ROBO2: variants seen among roughly 807,000 people sequenced by gnomAD.
ROBO2 encodes roundabout homolog 2.
ROBO2 carries 53 observed loss-of-function variants against 160.8 expected under a neutral mutation model. That is an observed-to-expected ratio of 0.33 (90% confidence interval 0.26 to 0.41). ROBO2 has a LOEUF of 0.41. Among genes scored for constraint, ROBO2 ranks in the 10% least tolerant of loss-of-function variants. ROBO2 has a pLI of 1.00. For missense variants in ROBO2, 1,577 were observed against 1,722.4 expected, an observed-to-expected ratio of 0.92 and a Z score of 1.49; for synonymous variants, 664 against 611.7, an observed-to-expected ratio of 1.09 and a Z score of -1.26.
chr3:77,039,603 G>T (rs886791865), upstream of ROBO2, among the ~76,000 whole-genome samples: 1 of 152,194 alleles, frequency 6.6e-6, no homozygotes, highest in Admixed American at 6.5e-5. Context: ...CTCGGCCCTC[G>T]GCAGCCGGCG....
intron 2 of ROBO2, among the ~76,000 whole-genome samples, chr3:77,322,073 T>G (rs1038867356): frequency 2.0e-5 from 3 of 152,134 alleles, no homozygotes; most frequent in African/African-American, 7.2e-5. Context: ...CTAGAGCAAG[T>G]CCTAAGCAGG....
intron 2 of ROBO2, among the ~76,000 whole-genome samples, chr3:76,876,070 C>T (rs930742215): frequency 6.6e-6 from 1 of 152,120 alleles, no homozygotes; most frequent in South Asian, 2.1e-4. Flanking sequence ...TTTGTCATGT[C>T]AAGGTAACAT....
At chr3:76,396,575 C>G (rs2077462245) in intron 2 of ROBO2, among the ~76,000 whole-genome samples, 1 of 152,078 alleles carries the variant, frequency 6.6e-6, no homozygotes. Flanking sequence ...TAGAAAACCC[C>G]ATTGTCTCAG....
At chr3:77,115,633 C>T (rs1307348836) in intron 2 of ROBO2, among the ~76,000 whole-genome samples, 1 of 152,064 alleles carries the variant, frequency 6.6e-6, no homozygotes, top group African/African-American at 2.4e-5. Context: ...GTGAACTAAC[C>T]GAACTTTTAT....
At chr3:77,269,753 A>G (rs984817939) in intron 2 of ROBO2, among the ~76,000 whole-genome samples, 1 of 152,158 alleles carries the variant, frequency 6.6e-6, no homozygotes, top group Non-Finnish European at 1.5e-5. Context: ...ACAAGAAAGG[A>G]TGAATTGCTA....
chr3:76,996,332 C>T (rs1025995504), intron 2 of ROBO2, among the ~76,000 whole-genome samples: 2 of 152,086 alleles, frequency 1.3e-5, no homozygotes, highest in Non-Finnish European at 2.9e-5. Flanking sequence ...GGTACCAGTA[C>T]CATGCTGTTT....
chr3:77,221,629 A>C (rs2085803996), intron 2 of ROBO2, among the ~76,000 whole-genome samples: 1 of 152,074 alleles, frequency 6.6e-6, no homozygotes. Context: ...TCCCCAAATG[A>C]AAATAACTCA....
chr3:77,114,847 T>C (rs879894020), intron 2 of ROBO2, among the ~76,000 whole-genome samples: 2 of 152,210 alleles, frequency 1.3e-5, no homozygotes, highest in Non-Finnish European at 2.9e-5. Flanking sequence ...AAATGTATTT[T>C]ATCTATTTAC....
intron 2 of ROBO2, among the ~76,000 whole-genome samples, chr3:76,518,705 A>G (rs1310707782): frequency 6.6e-6 from 1 of 152,126 alleles, no homozygotes; most frequent in Non-Finnish European, 1.5e-5. Context: ...AAAATAAATA[A>G]GCAAATTTTA....
At chr3:77,448,227 T>C (rs2080760572) in intron 2 of ROBO2, among the ~76,000 whole-genome samples, 1 of 152,146 alleles carries the variant, frequency 6.6e-6, no homozygotes, top group Non-Finnish European at 1.5e-5. Context: ...GGATCACTGA[T>C]GTCCCCATGT....
intron 2 of ROBO2, among the ~76,000 whole-genome samples, chr3:76,811,022 A>G (rs544933391): frequency 6.6e-6 from 1 of 152,302 alleles, no homozygotes; most frequent in South Asian, 2.1e-4. Context: ...TTTCATTACT[A>G]AATAAGGACT....
intron 2 of ROBO2, among the ~76,000 whole-genome samples, chr3:77,324,439 C>G (rs1025746402): frequency 1.3e-5 from 2 of 152,084 alleles, no homozygotes; most frequent in East Asian, 3.9e-4. Flanking sequence ...TAAAAGTAGA[C>G]CCGTTGTCCA....
At chr3:77,426,608 C>CTG (rs9309768) in intron 2 of ROBO2, among the ~76,000 whole-genome samples, 27,913 of 140,482 alleles carry the variant, frequency 0.2, 2,917 homozygotes, top group East Asian at 0.36. Flanking sequence ...ATGTGTGTGT[C>CTG]TGTGTGTGTG....
chr3:77,546,362 C>G, exon 7 of ROBO2: 1 of 1,613,140 alleles, frequency 6.2e-7, no homozygotes, highest in Non-Finnish European at 8.5e-7. Context: ...GTGGTTCGGC[C>G]AAGAGATCAG....
At chr3:76,880,295 A>G (rs898397557) in intron 2 of ROBO2, among the ~76,000 whole-genome samples, 4 of 152,178 alleles carry the variant, frequency 2.6e-5, no homozygotes, top group Non-Finnish European at 5.9e-5. Flanking sequence ...ATTGAATATT[A>G]TGTGTTTAAG....
At chr3:76,427,715 G>A (rs1398556798) in intron 2 of ROBO2, among the ~76,000 whole-genome samples, 1 of 152,130 alleles carries the variant, frequency 6.6e-6, no homozygotes, top group Non-Finnish European at 1.5e-5. Context: ...AATGCTTATT[G>A]TAATTGTATT....
chr3:76,751,898 T>TA, intron 2 of ROBO2, among the ~76,000 whole-genome samples: 1 of 152,150 alleles, frequency 6.6e-6, no homozygotes, highest in South Asian at 2.1e-4. Flanking sequence ...TCCTCAAGGA[T>TA]CTAGAACTAG....
At chr3:77,640,416 A>G (rs2095334776) in intron 24 of ROBO2, among the ~76,000 whole-genome samples, 1 of 152,116 alleles carries the variant, frequency 6.6e-6, no homozygotes, top group Non-Finnish European at 1.5e-5. Context: ...GCCCGGCCGC[A>G]TATTTTATAT....
At chr3:76,895,799 C>A (rs2074722156) in intron 2 of ROBO2, among the ~76,000 whole-genome samples, 1 of 152,186 alleles carries the variant, frequency 6.6e-6, no homozygotes, top group African/African-American at 2.4e-5. Context: ...CTCTTTTCTA[C>A]TTTAGAATAA....
Sources: allele counts gnomAD v4.1 joint callset (sites outside exome capture counted in the v4.1 genomes callset), GRCh38; gene constraint gnomAD v4.1.1; transcripts MANE v1.5; gene names NCBI Gene and HGNC (gene_info 2026-07-23, HGNC 2026-07-21).